Variants in CIB3 observed in about 807,000 individuals in gnomAD.
CIB3 encodes calcium and integrin binding family member 3.
Under a neutral mutation model 23.4 loss-of-function variants are expected in CIB3, and 22 were observed. The ratio of observed to expected loss-of-function variants is 0.94; its 90% CI spans 0.67 to 1.34. The LOEUF (loss-of-function observed/expected upper bound fraction) is 1.34. CIB3 is among the 40% of genes most tolerant of loss of function. The pLI is 0.00. For missense variants in CIB3, 258 were observed against 247.3 expected (o/e 1.04, Z -0.29); for synonymous variants, 93 against 95.8 (o/e 0.97, Z 0.17).
rs79329568 is a variant in CIB3, at chr19:16,162,243, C to CAA, written c.543-759_543-758dup. On this transcript the variant is annotated intron_variant, in intron 5 of 5. Transcript: ENST00000269878. ...GCAACAAGGCAAGACCTTGTCTCCA[C>CAA]AAAAAAAAAAAAAAAAAAAAAAAGT... 7.4e-3 allele frequency among the ~76,000 whole-genome samples: 372 copies of CAA among 50,598 alleles called. 1 individual carries two copies. The highest frequency in any genetic ancestry group is 0.011 in the East Asian group (15 of 1,416). 33.2% of individuals were successfully genotyped at this position (50,598 alleles called of 152,430 possible).
rs1484046515 is a variant in CIB3, at chr19:16,169,593, T to A, written c.198+37A>T. On this transcript the variant is annotated intron_variant, in intron 3 of 5. Transcript: ENST00000269878. ...GGAATGCAACGAGAGACATCTCTACTATTTTTTACCCTGTTTGTCCCATGG... is the reference window on the plus strand; with the variant it reads ...GGAATGCAACGAGAGACATCTCTACAATTTTTTACCCTGTTTGTCCCATGG... 7.6e-6 allele frequency: 12 copies of A among 1,571,652 alleles called. No homozygotes were observed. The Admixed American group carries it at 2.1e-4, about 28-fold the overall frequency.
chr19:16,169,726 G>T lies in CIB3; in HGVS notation c.102C>A (p.Tyr34Ter). Residue 34 changes from tyrosine to a stop codon, truncating the protein, a stop_gained, in exon 3 of 6, where the codon TAC becomes TAA. Coordinates refer to ENST00000269878, the MANE Select transcript of CIB3 (RefSeq NM_054113.4). LOFTEE classifies it high-confidence loss of function. Reference protein sequence around the residue: ...RKEIMRLFYRYQDLAPQLVPL... With the variant: ...RKEIMRLFYR ...GCACGAGCTGTGGGGCCAGGTCCTGGTAGCGATAGAAGAGCCTGATGTGGG... is the reference window on the plus strand; with the variant it reads ...GCACGAGCTGTGGGGCCAGGTCCTGTTAGCGATAGAAGAGCCTGATGTGGG... The T allele has an allele frequency of 6.2e-7, 1 of 1,611,112 alleles. No individual in the cohort carries two copies. Among genetic ancestry groups the T allele is most frequent in the Non-Finnish European group, 8.5e-7 (1 of 1,178,566 alleles).
chr19:16,169,444 A>C (rs571650107), intron 3 of CIB3, among the ~76,000 whole-genome samples, 186 bp downstream of exon 3: 3 of 151,976 alleles, frequency 2.0e-5, no homozygotes, highest in Non-Finnish European at 4.4e-5. Context: ...ACACCAGCCA[A>C]CTCTGGGTTT....
intron 4 of CIB3, among the ~76,000 whole-genome samples, chr19:16,167,011 T>C (rs1385825630): frequency 6.6e-6 from 1 of 151,914 alleles, no homozygotes; most frequent in Admixed American, 6.6e-5. Context: ...AGGTCAGGAG[T>C]TCGAGACCAG....
At chr19:16,169,935 G>A (rs930465476) in intron 2 of CIB3, among the ~76,000 whole-genome samples, 194 bp from the exon 3 acceptor site, 23 of 152,172 alleles carry the variant, frequency 1.5e-4, no homozygotes, top group Non-Finnish European at 1.5e-5. Context: ...AAGTAGCTGG[G>A]ATTACAGGCA....
At chr19:16,167,559 C>T (rs546003930) in intron 4 of CIB3, among the ~76,000 whole-genome samples, 9 of 151,788 alleles carry the variant, frequency 5.9e-5, no homozygotes, top group South Asian at 4.2e-4. Flanking sequence ...GAGCTGGGTG[C>T]GGTGGCTCAC....
rs971635676 is a variant in CIB3, at chr19:16,161,424, G to A, written c.*41C>T. On this transcript the variant is annotated 3_prime_UTR_variant, in exon 6 of 6. Coordinates refer to ENST00000269878, the MANE Select transcript of CIB3 (RefSeq NM_054113.4). Reference sequence around the variant, plus strand: ...AACCAGAGTCCACAGCGGGTGAGGGGTCACCCCGCCCTCCTATAGCTCGGC... The same window carrying A: ...AACCAGAGTCCACAGCGGGTGAGGGATCACCCCGCCCTCCTATAGCTCGGC... 2 of 1,609,098 alleles carry A rather than the reference G, an allele frequency of 1.2e-6. No homozygotes were observed. The highest frequency in any genetic ancestry group is 1.1e-5 in the South Asian group (1 of 90,984).
At position 16,164,868 on chromosome 19, in the gene CIB3, G is replaced by T. The variant is rs200570024; in HGVS notation, c.392C>A (p.Thr131Lys). 39 of 1,613,956 alleles carry T rather than the reference G, an allele frequency of 2.4e-5. No homozygotes were observed. Among genetic ancestry groups the T allele is most frequent in the African/African-American group, 1.3e-5 (1 of 74,896 alleles). The change falls in exon 5 of 6, where the codon ACG (threonine) becomes AAG (lysine). Residue 131 changes from threonine (T) to lysine (K), a missense_variant. Thr to Lys is a moderately conservative substitution (Grantham distance 78, BLOSUM62 -1). Coordinates refer to ENST00000269878, the MANE Select transcript of CIB3 (RefSeq NM_054113.4). ...CCCCCCCCGCGTCAGTTTGGTCACC[G>T]TCTGCTCCAGGTCCCACGCACAAAT... is the stretch of plus-strand genomic sequence containing the variant. Reference protein sequence around the residue: ...DYICAWDLEQTVTKLTRGGLS... With the variant: ...DYICAWDLEQKVTKLTRGGLS...
rs1345441500 is a variant in CIB3 at position 16,161,461 on chromosome 19, G to A, written c.*4C>T. On this transcript the variant is annotated 3_prime_UTR_variant, in exon 6 of 6. Transcript: ENST00000269878. ...TCCTATAGCTCGGCTCCTCTGTGGT[G>A]CCATCAGATTCGGATGTGGAAGGTG... The A allele has an allele frequency of 1.9e-6, 3 of 1,614,026 alleles. No individual in the cohort carries two copies. Among genetic ancestry groups the A allele is most frequent in the Admixed American group, 1.7e-5 (1 of 60,002 alleles).
intron 4 of CIB3, 100 bp from the exon 5 acceptor site, chr19:16,165,013 G>A: frequency 2.0e-6 from 2 of 1,021,208 alleles, no homozygotes; most frequent in South Asian, 2.8e-5. Flanking sequence ...GGAAACTAAG[G>A]TCGGGCACGG....
intron 4 of CIB3, 109 bp from the exon 5 acceptor site, chr19:16,165,022 G>A (rs569409275): frequency 2.7e-5 from 25 of 919,490 alleles, no homozygotes; most frequent in South Asian, 4.4e-5. Context: ...GGTCGGGCAC[G>A]GTGGCTCACG....
chr19:16,170,998 C>T (rs1439929101), intron 2 of CIB3, among the ~76,000 whole-genome samples: 4 of 151,754 alleles, frequency 2.6e-5, no homozygotes, highest in East Asian at 1.9e-4. Context: ...TTTAGCCAGG[C>T]GTGGTGGTGG....
At chr19:16,167,045 G>A (rs1274020122) in intron 4 of CIB3, among the ~76,000 whole-genome samples, 7 of 152,098 alleles carry the variant, frequency 4.6e-5, no homozygotes, top group Admixed American at 3.3e-4. Context: ...GTGAAACTCC[G>A]TCTCTACTAA....
intron 5 of CIB3, 72 bp from the exon 6 acceptor site, chr19:16,161,558 C>T (rs373590496): frequency 1.0e-5 from 16 of 1,539,100 alleles, no homozygotes; most frequent in Non-Finnish European, 1.3e-5. Context: ...CCCCTCAACA[C>T]GCTCACGGCA....
intron 3 of CIB3, 81 bp from the exon 4 acceptor site, chr19:16,168,365 C>T (rs1474843146): frequency 6.4e-7 from 1 of 1,553,510 alleles, no homozygotes; most frequent in Admixed American, 2.0e-5. Flanking sequence ...TATCAGCACC[C>T]ACCTTCTGGG....
At chr19:16,169,298 C>T (rs2091318155) in intron 3 of CIB3, among the ~76,000 whole-genome samples, 2 of 151,372 alleles carry the variant, frequency 1.3e-5, no homozygotes, top group Non-Finnish European at 3.0e-5. Flanking sequence ...TGTGCACTAC[C>T]ACGCCCAGCT....
At position 16,168,770 on chromosome 19, in the gene CIB3, G is replaced by A. The variant is rs554188577; in HGVS notation, c.199-486C>T. On this transcript the variant is annotated intron_variant, in intron 3 of 5. Coordinates refer to ENST00000269878, the MANE Select transcript of CIB3 (RefSeq NM_054113.4). Reference sequence around the variant, plus strand: ...TGGGAGGAGCCGAGATATGGGGGGAGATTCCTGAGCACATCATCAGAGGCC... The same window carrying A: ...TGGGAGGAGCCGAGATATGGGGGGAAATTCCTGAGCACATCATCAGAGGCC... 2.0e-5 allele frequency among the ~76,000 whole-genome samples: 3 copies of A among 152,244 alleles called. No homozygotes were observed. The South Asian group carries it at 6.2e-4, about 32-fold the overall frequency.
rs1356299169 is a variant in CIB3, at chr19:16,163,634, TA to T, written c.542+1083del. Among the ~76,000 whole-genome samples the T allele has an allele frequency of 4.6e-5, 7 of 152,180 alleles. No homozygotes were observed. In the East Asian group the frequency reaches 1.4e-3, roughly 29 times the overall value. ...AATCATTATTTGTCAATTCAAAAAA[TA>T]AAAAATAAAGTGAAATTTAAAAATT... On this transcript the variant is annotated intron_variant, in intron 5 of 5. Coordinates refer to ENST00000269878, the MANE Select transcript of CIB3 (RefSeq NM_054113.4).
intron 2 of CIB3, among the ~76,000 whole-genome samples, chr19:16,171,148 AT>A (rs1306427516): frequency 2.6e-5 from 4 of 152,148 alleles, no homozygotes; most frequent in East Asian, 3.9e-4. Flanking sequence ...AATAAAAAAA[AT>A]AAATAAATAA....
Sources: gnomAD v4.1 joint callset for allele counts (sites outside exome capture counted in the v4.1 genomes callset) on GRCh38, gnomAD v4.1.1 for gene constraint, MANE v1.5 for transcripts, NCBI Gene and HGNC (gene_info 2026-07-23, HGNC 2026-07-21) for gene names.